Variants in ANO5 observed in about 807,000 individuals in gnomAD.
ANO5 encodes anoctamin 5.
In ANO5, 109 loss-of-function variants were observed where a neutral mutation model predicts 121.0. That is an observed-to-expected ratio of 0.90 (90% CI 0.77 to 1.06). The LOEUF is 1.06. Ranked by LOEUF, ANO5 falls within the 50% of genes least tolerant of loss-of-function variation. The pLI is 0.00. For synonymous variants in ANO5, 406 were observed against 359.9 expected, an observed-to-expected ratio of 1.13 and a Z score of -1.45; for missense variants, 1,064 against 1,078.5, an observed-to-expected ratio of 0.99 and a Z score of 0.19.
At chr11:22,246,243 C>T (rs1853610029) in intron 9 of ANO5, among the ~76,000 whole-genome samples, 1 of 152,138 alleles carries the variant, frequency 6.6e-6, no homozygotes, top group African/African-American at 2.4e-5. Context: ...CAAATCCAAA[C>T]ATATATTCTG....
intron 4 of ANO5, among the ~76,000 whole-genome samples, chr11:22,219,834 A>C (rs2133583547): frequency 6.6e-6 from 1 of 151,118 alleles, no homozygotes; most frequent in African/African-American, 2.4e-5. Context: ...GGTGAAGAGA[A>C]CTCAGACATA....
At chr11:22,227,829 T>C (rs1293706044) in intron 7 of ANO5, among the ~76,000 whole-genome samples, 1 of 152,104 alleles carries the variant, frequency 6.6e-6, no homozygotes, top group Admixed American at 6.6e-5. Context: ...AAGAAAGAGA[T>C]GTTATACAAT....
At chr11:22,199,788 C>G (rs772496312) in intron 1 of ANO5, among the ~76,000 whole-genome samples, 1 of 151,980 alleles carries the variant, frequency 6.6e-6, no homozygotes, top group Non-Finnish European at 1.5e-5. Context: ...AATCTGGCCT[C>G]TTAGAGATCT....
chr11:22,201,655 C>T (rs1021350498), intron 1 of ANO5, among the ~76,000 whole-genome samples: 1 of 152,140 alleles, frequency 6.6e-6, no homozygotes, highest in African/African-American at 2.4e-5. Context: ...TGGTGAGCCC[C>T]TTCTTGCTGT....
intron 19 of ANO5, among the ~76,000 whole-genome samples, chr11:22,274,210 T>C (rs563215084): frequency 6.6e-6 from 1 of 150,970 alleles, no homozygotes; most frequent in African/African-American, 2.4e-5. Context: ...TCCTACCTCA[T>C]TGAGTTAGTC....
intron 21 of ANO5, 42 bp downstream of exon 21, chr11:22,276,241 C>G (rs768234452): frequency 2.7e-6 from 4 of 1,455,702 alleles, no homozygotes; most frequent in Non-Finnish European, 3.9e-6. Flanking sequence ...TCTCTTCTCT[C>G]TTTAGGCAGA....
chr11:22,262,617 G>T (rs1453716627), intron 16 of ANO5, among the ~76,000 whole-genome samples: 3 of 152,198 alleles, frequency 2.0e-5, no homozygotes, highest in East Asian at 1.9e-4. Flanking sequence ...ACTATGGGTA[G>T]TAGAGTTAGA....
chr11:22,261,568 C>T lies in ANO5; in HGVS notation c.1631-561C>T, dbSNP rs536214507. The T allele has an allele frequency of 7.7e-5, 12 of 156,260 alleles. No individual in the cohort carries two copies. The South Asian group carries it at 1.9e-3, about 25-fold the overall frequency. The allele number at this position is 156,260 out of a possible 1,614,324, so 9.7% of individuals were successfully genotyped here. On this transcript the variant is annotated intron_variant, in intron 15 of 21. Transcript: ENST00000324559. Reference sequence around the variant, plus strand: ...TAGTCCCAGCTACTCGAGAGGATGACGCAGGAGAATTGCTTGAACCTGGGA... The same window carrying T: ...TAGTCCCAGCTACTCGAGAGGATGATGCAGGAGAATTGCTTGAACCTGGGA...
intron 1 of ANO5, among the ~76,000 whole-genome samples, chr11:22,202,863 G>A (rs1852004823): frequency 2.0e-5 from 3 of 152,028 alleles, no homozygotes. Flanking sequence ...ATTGGATTTA[G>A]GGCCCACCTT....
At chr11:22,212,211 A>C (rs1195101222) in intron 3 of ANO5, among the ~76,000 whole-genome samples, 1 of 151,892 alleles carries the variant, frequency 6.6e-6, no homozygotes, top group Non-Finnish European at 1.5e-5. Flanking sequence ...GGGTAGATGC[A>C]AGTAAGATGC....
At chr11:22,221,348 T>G in intron 5 of ANO5, 138 bp downstream of exon 5, 1 of 738,740 alleles carries the variant, frequency 1.4e-6, no homozygotes, top group South Asian at 1.6e-5. Context: ...ATGAGATAAC[T>G]GTAAAGTAGG....
chr11:22,207,126 G>A (rs540092246), intron 2 of ANO5, among the ~76,000 whole-genome samples: 7 of 152,002 alleles, frequency 4.6e-5, no homozygotes, highest in Non-Finnish European at 7.4e-5. Context: ...TAATGAGAAT[G>A]TGGAAACCCA....
intron 17 of ANO5, among the ~76,000 whole-genome samples, chr11:22,269,203 GAGAA>G (rs1854488513): frequency 7.3e-6 from 1 of 137,596 alleles, no homozygotes; most frequent in African/African-American, 3.0e-5. Flanking sequence ...GGGAAGGGAA[GAGAA>G]GGGAAGAAGG....
chr11:22,275,970 T>A, intron 20 of ANO5, 124 bp from the exon 21 acceptor site: 1 of 694,542 alleles, frequency 1.4e-6, no homozygotes, highest in South Asian at 1.7e-5. Context: ...CAGTTAACTT[T>A]GACCTGATTT....
chr11:22,268,402 T>C (rs1010465306), intron 17 of ANO5, among the ~76,000 whole-genome samples: 3 of 151,542 alleles, frequency 2.0e-5, no homozygotes, highest in African/African-American at 7.3e-5. Flanking sequence ...AGTGTCTAGG[T>C]ACTTTTTAAT....
chr11:22,275,311 C>A (rs552535756), intron 20 of ANO5, among the ~76,000 whole-genome samples: 1 of 148,826 alleles, frequency 6.7e-6, no homozygotes, highest in African/African-American at 2.4e-5. Context: ...AATTTAAAGA[C>A]ACACACACAC....
At chr11:22,266,817 G>A (rs1854383428) in intron 17 of ANO5, among the ~76,000 whole-genome samples, 1 of 152,004 alleles carries the variant, frequency 6.6e-6, no homozygotes, top group Non-Finnish European at 1.5e-5. Flanking sequence ...GTTATCCTTT[G>A]GATTGTAAGA....
chr11:22,275,136 T>G (rs575459950), intron 20 of ANO5, among the ~76,000 whole-genome samples: 1 of 152,156 alleles, frequency 6.6e-6, no homozygotes, highest in African/African-American at 2.4e-5. Context: ...CTTGAATTTA[T>G]CTTTGTCCTC....
In ANO5 at chr11:22,276,157, G is replaced by T. The variant is rs886048124; in HGVS notation, c.2478G>T (p.Trp826Cys). The change falls in exon 21 of 22, where the codon TGG (tryptophan) becomes TGT (cysteine). Residue 826 changes from tryptophan to cysteine, a missense_variant. By Grantham distance (215) the Trp-to-Cys change is radical. Coordinates refer to ENST00000324559, the MANE Select transcript of ANO5 (RefSeq NM_213599.3). ...ENKYFHNMQFWHVLAAKMTFI... is the reference protein window; with the variant it reads ...ENKYFHNMQFCHVLAAKMTFI... ...AATATTTTCATAATATGCAATTCTG[G>T]CATGTCCTTGCTGCCAAGATGACCT... is the stretch of plus-strand genomic sequence containing the variant. 6.2e-7 allele frequency: 1 copy of T among 1,611,290 alleles called. No homozygotes were observed. Among genetic ancestry groups the T allele is most frequent in the Non-Finnish European group, 8.5e-7 (1 of 1,178,180 alleles).
Sources: allele counts gnomAD v4.1 joint callset (sites outside exome capture counted in the v4.1 genomes callset), GRCh38; gene constraint gnomAD v4.1.1; transcripts MANE v1.5; gene names NCBI Gene and HGNC (gene_info 2026-07-23, HGNC 2026-07-21).